The following ELAPOR1 variants were observed in gnomAD, a reference collection of about 807,000 sequenced individuals.
The protein encoded by ELAPOR1 is endosome-lysosome associated apoptosis and autophagy regulator 1.
In ELAPOR1, 77 loss-of-function variants were observed where a neutral mutation model predicts 119.7. The ratio of observed to expected loss-of-function variants is 0.64; its 90% CI spans 0.54 to 0.78. The LOEUF is 0.78. ELAPOR1 is among the 30% of genes least tolerant of loss of function. The pLI is 0.00. For missense variants in ELAPOR1, 1,115 were observed against 1,270.4 expected (o/e 0.88, Z 1.86); for synonymous variants, 481 against 487.2 (o/e 0.99, Z 0.17).
At chr1:109,181,164 C>T (rs1382421234) in intron 7 of ELAPOR1, among the ~76,000 whole-genome samples, 2 of 152,154 alleles carry the variant, frequency 1.3e-5, no homozygotes, top group Non-Finnish European at 2.9e-5. Flanking sequence ...CTGTCTGACC[C>T]GGGCCTGTGT....
intron 1 of ELAPOR1, among the ~76,000 whole-genome samples, chr1:109,147,670 G>A (rs545661848): frequency 1.3e-5 from 2 of 152,166 alleles, no homozygotes; most frequent in African/African-American, 2.4e-5. Flanking sequence ...CCACTCTGGT[G>A]GGGGATGTTG....
intron 1 of ELAPOR1, among the ~76,000 whole-genome samples, chr1:109,147,010 A>G (rs1650219310): frequency 6.6e-6 from 1 of 150,912 alleles, no homozygotes; most frequent in African/African-American, 2.4e-5. Flanking sequence ...GATTCAAGTG[A>G]TTCTCCTGCC....
rs766464902 is a variant in ELAPOR1 at position 109,188,269 on chromosome 1, C to T, written c.1134C>T (p.His378=). 1 of 1,614,104 alleles carries T rather than the reference C, an allele frequency of 6.2e-7. No individual in the cohort carries two copies. Among genetic ancestry groups the T allele is most frequent in the African/African-American group, 1.3e-5 (1 of 74,944 alleles). ...VKLPASGVKT[H]CPPCNPGFFK... ...TGCCTGCCTCTGGTGTGAAGACCCA[C>T]TGCCCACCCTGCAACCCAGGCTTCT... The change falls in exon 9 of 22, where the codon CAC becomes CAT. Residue 378 remains histidine, a synonymous_variant. Coordinates refer to ENST00000369939, the MANE Select transcript of ELAPOR1 (RefSeq NM_020775.5).
intron 1 of ELAPOR1, among the ~76,000 whole-genome samples, chr1:109,120,479 CA>C (rs1365838534): frequency 3.3e-5 from 5 of 152,148 alleles, no homozygotes; most frequent in Non-Finnish European, 7.4e-5. Flanking sequence ...GACACGTAGA[CA>C]GCACCATCTC....
chr1:109,182,294 C>T lies in ELAPOR1; in HGVS notation c.953-2751C>T, dbSNP rs139720448. On this transcript the variant is annotated intron_variant, in intron 7 of 21. Transcript: ENST00000369939. ...GCAGTGAGCTGAGGTGGCACCACTG[C>T]ACTCCAACCTGGGCAACAGAGCGAG... Among the ~76,000 whole-genome samples, 1,175 of 152,018 alleles carry T rather than the reference C, an allele frequency of 7.7e-3. 15 individuals are homozygous for T. Among genetic ancestry groups the T allele is most frequent in the African/African-American group, 0.027 (1,117 of 41,430 alleles).
At position 109,189,644 on chromosome 1, in the gene ELAPOR1, T is replaced by C. The variant is rs1171799094; in HGVS notation, c.1401T>C (p.Asn467=). Residue 467 remains asparagine, a synonymous_variant, in exon 11 of 22, where the codon AAT becomes AAC. Transcript: ENST00000369939. ...ACACAGCTGCTGGAGCCTCAGACAA[T>C]GACTTCATGATTCTCACTCTGGTTG... ...HIYTAAGASD[N]DFMILTLVVP... 3.7e-6 allele frequency: 6 copies of C among 1,614,158 alleles called. No homozygotes were observed. Among genetic ancestry groups the C allele is most frequent in the Non-Finnish European group, 5.1e-6 (6 of 1,180,024 alleles).
At chr1:109,117,604 G>A (rs1648099513) in intron 1 of ELAPOR1, among the ~76,000 whole-genome samples, 1 of 152,200 alleles carries the variant, frequency 6.6e-6, no homozygotes, top group Non-Finnish European at 1.5e-5. Context: ...CCTGATCTGT[G>A]AAATGGGGAT....
At chr1:109,144,635 G>A (rs1020703402) in intron 1 of ELAPOR1, among the ~76,000 whole-genome samples, 2 of 152,142 alleles carry the variant, frequency 1.3e-5, no homozygotes, top group Non-Finnish European at 2.9e-5. Flanking sequence ...CCAGCTACTC[G>A]GGAGGCTGAG....
chr1:109,191,564 C>T, intron 12 of ELAPOR1, 93 bp downstream of exon 12: 3 of 1,378,180 alleles, frequency 2.2e-6, no homozygotes, highest in Non-Finnish European at 3.1e-6. Flanking sequence ...GACACCCCCC[C>T]TTGTAGTGAT....
chr1:109,165,339 C>A (rs1284494902), intron 3 of ELAPOR1, among the ~76,000 whole-genome samples: 1 of 152,172 alleles, frequency 6.6e-6, no homozygotes, highest in African/African-American at 2.4e-5. Flanking sequence ...GTAATCCCAG[C>A]ACTCTGGGAG....
At chr1:109,145,959 AG>A (rs1650150736) in intron 1 of ELAPOR1, among the ~76,000 whole-genome samples, 1 of 152,240 alleles carries the variant, frequency 6.6e-6, no homozygotes, top group Non-Finnish European at 1.5e-5. Context: ...GAATAGCAAA[AG>A]CAGGAACAAA....
intron 10 of ELAPOR1, 52 bp from the exon 11 acceptor site, chr1:109,189,540 T>G (rs571174853): frequency 5.7e-5 from 85 of 1,500,274 alleles, no homozygotes; most frequent in Non-Finnish European, 7.4e-5. Context: ...TGGGTGCACA[T>G]TTGCCTTGCA....
intron 1 of ELAPOR1, among the ~76,000 whole-genome samples, chr1:109,155,441 G>A (rs956968090): frequency 5.9e-5 from 9 of 152,126 alleles, no homozygotes; most frequent in Non-Finnish European, 1.2e-4. Flanking sequence ...GCCTCCCAAA[G>A]TGCTGGGATT....
At chr1:109,172,157 C>T in intron 4 of ELAPOR1, 144 bp downstream of exon 4, 2 of 1,055,904 alleles carry the variant, frequency 1.9e-6, no homozygotes, top group South Asian at 3.0e-5. Context: ...GCAAAATGAG[C>T]TGAGGCCCAG....
At chr1:109,190,611 A>AGCCAGATGAATGAAGCCTGTGTTT (rs1445608532) in intron 11 of ELAPOR1, among the ~76,000 whole-genome samples, 2 of 152,224 alleles carry the variant, frequency 1.3e-5, no homozygotes, top group Non-Finnish European at 2.9e-5. Context: ...ACTCAGAGCT[A>AGCCAGATGAATGAAGCCTGTGTTT]GCCAGATGAA....
chr1:109,146,106 A>G (rs558264), intron 1 of ELAPOR1, among the ~76,000 whole-genome samples: 128,032 of 152,096 alleles, frequency 0.84, 54,110 homozygotes, highest in East Asian at 0.93. Context: ...GAGCTCAGGA[A>G]TTCGAGACCA....
chr1:109,123,886 TC>T (rs1648608335), intron 1 of ELAPOR1, among the ~76,000 whole-genome samples: 1 of 152,022 alleles, frequency 6.6e-6, no homozygotes, highest in African/African-American at 2.4e-5. Flanking sequence ...CACTGCAACC[TC>T]CATCTCCTGG....
chr1:109,183,328 C>CAAAAAAAA (rs67807553), intron 7 of ELAPOR1, among the ~76,000 whole-genome samples: 1 of 29,444 alleles, frequency 3.4e-5, no homozygotes. Context: ...CTGTCTCTAC[C>CAAAAAAAA]AAAAAAAAAA....
intron 15 of ELAPOR1, among the ~76,000 whole-genome samples, chr1:109,195,254 G>C (rs1446979867): frequency 6.6e-6 from 1 of 152,066 alleles, no homozygotes; most frequent in East Asian, 1.9e-4. Flanking sequence ...AGCACTTTGG[G>C]AGGCCTAGGT....
Sources: allele counts gnomAD v4.1 joint callset (sites outside exome capture counted in the v4.1 genomes callset), GRCh38; gene constraint gnomAD v4.1.1; transcripts MANE v1.5; gene names NCBI Gene and HGNC (gene_info 2026-07-23, HGNC 2026-07-21).